Variants in EHBP1 observed in about 807,000 individuals in gnomAD.
EHBP1 encodes the protein EH domain binding protein 1.
Under a neutral mutation model 144.0 loss-of-function variants are expected in EHBP1, and 55 were observed. The observed-to-expected ratio is 0.38, with a 90% CI of 0.31 to 0.48. The LOEUF (loss-of-function observed/expected upper bound fraction) is 0.48. Ranked by LOEUF, EHBP1 falls within the 20% of genes least tolerant of loss-of-function variation. The pLI is 0.98. For synonymous variants in EHBP1, 469 were observed against 472.7 expected (o/e 0.99, Z 0.10); for missense variants, 1,200 against 1,364.2 (o/e 0.88, Z 1.90).
intron 10 of EHBP1, among the ~76,000 whole-genome samples, chr2:62,884,422 A>G (rs2051741306): frequency 1.3e-5 from 2 of 152,156 alleles, no homozygotes; most frequent in East Asian, 3.9e-4. Flanking sequence ...GACCAGTGTT[A>G]TCAAATTGTG....
intron 19 of EHBP1, among the ~76,000 whole-genome samples, chr2:63,008,966 G>T (rs2060160835): frequency 6.6e-6 from 1 of 151,534 alleles, no homozygotes; most frequent in African/African-American, 2.4e-5. Context: ...GTTTGAAGGG[G>T]GAAAGGTCAT....
Position 62,696,508 on chromosome 2 carries a change from C to CTTTTTTTTTTTTTTTTT in EHBP1, c.-295-10382_-295-10366dup, listed in dbSNP as rs869081763. Among the ~76,000 whole-genome samples the CTTTTTTTTTTTTTTTTT allele has an allele frequency of 1.1e-3, 82 of 76,780 alleles. 1 individual carries two copies. Among genetic ancestry groups the CTTTTTTTTTTTTTTTTT allele is most frequent in the East Asian group, 2.4e-3 (6 of 2,502 alleles). 50.4% of individuals were successfully genotyped at this position (76,780 alleles called of 152,430 possible). On this transcript the variant is annotated intron_variant, in intron 1 of 22. Transcript: ENST00000405015. ...TTTCTTTTCTTTTCTTTTTTTTCTT[C>CTTTTTTTTTTTTTTTTT]TTTTTTTTTTTTTTTTTTTTTTTGA...
At chr2:62,932,420 A>G (rs1425619401) in intron 10 of EHBP1, among the ~76,000 whole-genome samples, 1 of 152,188 alleles carries the variant, frequency 6.6e-6, no homozygotes, top group Non-Finnish European at 1.5e-5. Flanking sequence ...GTCACATGCT[A>G]TGACATGGAT....
chr2:62,930,266 AAAAC>A (rs1365918823), intron 10 of EHBP1, among the ~76,000 whole-genome samples: 1 of 152,122 alleles, frequency 6.6e-6, no homozygotes, highest in African/African-American at 2.4e-5. Context: ...ACAAAACAAA[AAAAC>A]AAAAACAGTA....
In EHBP1 at chr2:62,922,923, G is replaced by A. The variant is rs573311329; in HGVS notation, c.1186-19795G>A. Among the ~76,000 whole-genome samples, 8 of 152,310 alleles carry A rather than the reference G, an allele frequency of 5.3e-5. No individual in the cohort carries two copies. In the East Asian group the frequency reaches 1.4e-3, roughly 26 times the overall value. On this transcript the variant is annotated intron_variant, in intron 10 of 22. Transcript: ENST00000431489. ...GCAAACACCTTACAACAGTATAGTT[G>A]TTACAACAGGAGAATCCCACAGTCT... is the stretch of plus-strand genomic sequence containing the variant.
At chr2:62,737,676 T>C (rs1311011582) in intron 2 of EHBP1, among the ~76,000 whole-genome samples, 2 of 152,174 alleles carry the variant, frequency 1.3e-5, no homozygotes, top group Non-Finnish European at 2.9e-5. Context: ...ACTGCCAGAC[T>C]ATTTTTCGTA....
intron 5 of EHBP1, among the ~76,000 whole-genome samples, chr2:62,784,974 CAG>C (rs1298987016): frequency 6.6e-6 from 1 of 152,038 alleles, no homozygotes; most frequent in East Asian, 1.9e-4. Context: ...AAGTTTTAAG[CAG>C]AGTGATAATA....
At chr2:62,980,676 G>C (rs1206734715) in intron 15 of EHBP1, among the ~76,000 whole-genome samples, 1 of 151,800 alleles carries the variant, frequency 6.6e-6, no homozygotes, top group Non-Finnish European at 1.5e-5. Flanking sequence ...CAGAATGTCT[G>C]TATCTTAGTT....
At chr2:62,952,268 G>A (rs569059878) in intron 13 of EHBP1, among the ~76,000 whole-genome samples, 3 of 152,094 alleles carry the variant, frequency 2.0e-5, no homozygotes, top group African/African-American at 7.2e-5. Flanking sequence ...CATTTGGTAG[G>A]CTTTTAAAAT....
chr2:62,791,415 G>A (rs2043160754), intron 5 of EHBP1, among the ~76,000 whole-genome samples: 1 of 152,014 alleles, frequency 6.6e-6, no homozygotes, highest in Admixed American at 6.6e-5. Flanking sequence ...TTCAATGCAT[G>A]TGATTCCCTG....
At chr2:63,013,967 A>G (rs2060379405) in intron 19 of EHBP1, among the ~76,000 whole-genome samples, 1 of 152,238 alleles carries the variant, frequency 6.6e-6, no homozygotes, top group African/African-American at 2.4e-5. Context: ...CTGATAAAAG[A>G]TGAATGATTC....
intron 5 of EHBP1, among the ~76,000 whole-genome samples, chr2:62,822,141 A>G (rs2046030162): frequency 6.6e-6 from 1 of 152,124 alleles, no homozygotes; most frequent in Admixed American, 6.6e-5. Context: ...TGAGTCTCAG[A>G]ATATGTTTAT....
intron 2 of EHBP1, among the ~76,000 whole-genome samples, chr2:62,729,965 AC>A (rs2037348475): frequency 6.6e-6 from 1 of 152,070 alleles, no homozygotes; most frequent in East Asian, 1.9e-4. Flanking sequence ...TTAGTTCCAA[AC>A]CACTGTAATA....
At chr2:62,967,139 C>T (rs1478700884) in intron 14 of EHBP1, among the ~76,000 whole-genome samples, 1 of 152,134 alleles carries the variant, frequency 6.6e-6, no homozygotes, top group Admixed American at 6.5e-5. Flanking sequence ...GATCCAGGTC[C>T]GCCATCTGGC....
At chr2:62,842,773 T>C (rs746349717) in intron 7 of EHBP1, among the ~76,000 whole-genome samples, 2 of 152,226 alleles carry the variant, frequency 1.3e-5, no homozygotes, top group Non-Finnish European at 2.9e-5. Flanking sequence ...AAATCTCAAT[T>C]AGATACGGGT....
Position 62,982,273 on chromosome 2 carries a change from G to T in EHBP1, c.2608+2938G>T, listed in dbSNP as rs531563553. 3.3e-5 allele frequency among the ~76,000 whole-genome samples: 5 copies of T among 152,346 alleles called. No individual in the cohort carries two copies. In the East Asian group the frequency reaches 9.6e-4, roughly 29 times the overall value. On this transcript the variant is annotated intron_variant, in intron 15 of 22. Transcript: ENST00000431489. ...AAAGGGCCAGAGCACTGTAGGTTTT[G>T]TAAGCCATGTGCTGTCTGTCCCAGC...
At chr2:62,943,711 T>C (rs901609321) in intron 11 of EHBP1, 91 bp from the exon 12 acceptor site, 5 of 820,372 alleles carry the variant, frequency 6.1e-6, no homozygotes, top group Middle Eastern at 3.1e-4. Context: ...TTTAGTATTA[T>C]TGAATGTCAA....
At chr2:62,820,212 CAAAAAAAAAAAAGAA>C (rs1281031709) in intron 5 of EHBP1, among the ~76,000 whole-genome samples, 3 of 44,758 alleles carry the variant, frequency 6.7e-5, no homozygotes, top group Non-Finnish European at 9.6e-5. Context: ...ACTCTTGTCT[CAAAAAAAAAAAAGAA>C]AAAAAAAAAA....
At chr2:62,944,042 C>CCAGGTTGG (rs1418214629) in intron 12 of EHBP1, among the ~76,000 whole-genome samples, 192 bp downstream of exon 12, 1 of 152,158 alleles carries the variant, frequency 6.6e-6, no homozygotes, top group Non-Finnish European at 1.5e-5. Flanking sequence ...ACCACAAGTG[C>CCAGGTTGG]CAGGTTGGCA....
Sources: allele counts gnomAD v4.1 joint callset (sites outside exome capture counted in the v4.1 genomes callset), GRCh38; gene constraint gnomAD v4.1.1; transcripts MANE v1.5; gene names NCBI Gene and HGNC (gene_info 2026-07-23, HGNC 2026-07-21).